The following ACOXL variants were observed in gnomAD, a reference collection of about 807,000 sequenced individuals.
ACOXL encodes acyl-coenzyme A oxidase-like protein.
ACOXL carries 70 observed loss-of-function variants against 71.9 expected under a neutral mutation model. The ratio of observed to expected loss-of-function variants is 0.97; its 90% CI spans 0.80 to 1.19. The LOEUF is 1.19. ACOXL is among the 50% of genes most tolerant of loss of function. The pLI, the probability that ACOXL is intolerant of heterozygous loss-of-function variation, is 0.00. For synonymous variants in ACOXL, 253 were observed against 281.6 expected (o/e 0.90, Z 1.02); for missense variants, 703 against 736.3 (o/e 0.95, Z 0.52).
At chr2:110,907,265 GCCA>G (rs1558708097) in intron 10 of ACOXL, among the ~76,000 whole-genome samples, 1 of 152,004 alleles carries the variant, frequency 6.6e-6, no homozygotes, top group African/African-American at 2.4e-5. Flanking sequence ...TTTTTATAAG[GCCA>G]CCAATTCTAT....
chr2:111,060,155 T>A (rs1348191095), intron 16 of ACOXL, among the ~76,000 whole-genome samples: 3 of 152,142 alleles, frequency 2.0e-5, no homozygotes, highest in Non-Finnish European at 4.4e-5. Flanking sequence ...TTGGCAGTAA[T>A]GAGGCCTCCC....
rs145218053 is a variant in ACOXL at position 110,987,766 on chromosome 2, C to A, written c.1169+549C>A. Among the ~76,000 whole-genome samples, 683 of 152,280 alleles carry A rather than the reference C, an allele frequency of 4.5e-3. 5 individuals are homozygous for A. The highest frequency in any genetic ancestry group is 0.016 in the African/African-American group (652 of 41,552). On this transcript the variant is annotated intron_variant, in intron 13 of 17. Transcript: ENST00000439055. The stretch of plus-strand genomic sequence containing the variant: ...AATTGTTAAGTATAGGTGCAGAACT[C>A]CTCTTCACAATATTCTGTAATATTC...
At chr2:111,075,813 C>T (rs1485014336) in intron 16 of ACOXL, among the ~76,000 whole-genome samples, 1 of 152,012 alleles carries the variant, frequency 6.6e-6, no homozygotes, top group African/African-American at 2.4e-5. Flanking sequence ...CTCCTTGACC[C>T]ATGAATTATA....
At chr2:111,016,552 G>C (rs546530649) in intron 14 of ACOXL, 1 of 152,244 alleles carries the variant, frequency 6.6e-6, no homozygotes, top group Non-Finnish European at 1.5e-5. Flanking sequence ...TAGAAATCTA[G>C]AACAGGCTTC....
At chr2:110,952,488 G>T (rs1271693042) in intron 12 of ACOXL, among the ~76,000 whole-genome samples, 1 of 152,056 alleles carries the variant, frequency 6.6e-6, no homozygotes, top group African/African-American at 2.4e-5. Context: ...CTGAGACAAG[G>T]TTTCACTGTG....
intron 10 of ACOXL, among the ~76,000 whole-genome samples, chr2:110,886,157 C>G (rs1416223556): frequency 6.6e-6 from 1 of 152,098 alleles, no homozygotes; most frequent in Non-Finnish European, 1.5e-5. Flanking sequence ...ACATGTGCTA[C>G]CTGGTAGGAT....
chr2:110,852,003 C>T (rs897425205), intron 10 of ACOXL, among the ~76,000 whole-genome samples: 1 of 152,320 alleles, frequency 6.6e-6, no homozygotes, highest in South Asian at 2.1e-4. Flanking sequence ...AGGAAGCCCC[C>T]AGCATATTTC....
chr2:110,859,456 C>T (rs1048557634), intron 10 of ACOXL, among the ~76,000 whole-genome samples: 4 of 152,182 alleles, frequency 2.6e-5, no homozygotes, highest in African/African-American at 9.7e-5. Context: ...AAAGAAAACA[C>T]AGACAATCTA....
At chr2:110,827,185 C>A (rs371909679) in intron 9 of ACOXL, among the ~76,000 whole-genome samples, 18 of 152,118 alleles carry the variant, frequency 1.2e-4, no homozygotes, top group African/African-American at 3.9e-4. Context: ...CACACAGCCT[C>A]CAAAAGTTTG....
chr2:110,774,039 T>G (rs1682324535), intron 2 of ACOXL, among the ~76,000 whole-genome samples: 2 of 152,164 alleles, frequency 1.3e-5, no homozygotes, highest in African/African-American at 4.8e-5. Flanking sequence ...CATTCTGCAT[T>G]AAAAAACACC....
intron 10 of ACOXL, among the ~76,000 whole-genome samples, chr2:110,879,479 CA>C (rs746749678): frequency 7.9e-5 from 12 of 152,186 alleles, no homozygotes; most frequent in Admixed American, 2.6e-4. Context: ...ATATTACCAA[CA>C]ATCTCTCCCG....
intron 9 of ACOXL, among the ~76,000 whole-genome samples, chr2:110,813,943 C>T (rs1188908545): frequency 1.3e-5 from 2 of 152,204 alleles, no homozygotes; most frequent in Non-Finnish European, 2.9e-5. Flanking sequence ...TTGCCCAGAG[C>T]TTTCTGGGCC....
At chr2:110,741,151 A>G (rs1677480861) in intron 1 of ACOXL, among the ~76,000 whole-genome samples, 1 of 152,174 alleles carries the variant, frequency 6.6e-6, no homozygotes, top group South Asian at 2.1e-4. Context: ...TTCCTCAAGC[A>G]GTGATTTCCA....
chr2:111,049,049 G>A (rs114641991), intron 15 of ACOXL, among the ~76,000 whole-genome samples, 169 bp from the exon 16 acceptor site: 123 of 152,234 alleles, frequency 8.1e-4, no homozygotes, highest in African/African-American at 2.8e-3. Context: ...GTCACTGTAC[G>A]GGGGCCCCTG....
At chr2:110,867,007 C>T (rs1271859666) in intron 10 of ACOXL, among the ~76,000 whole-genome samples, 2 of 152,154 alleles carry the variant, frequency 1.3e-5, no homozygotes, top group African/African-American at 4.8e-5. Context: ...CTGCCTGATG[C>T]ATCAGGGTAG....
At chr2:110,830,640 T>G (rs1490730693) in intron 9 of ACOXL, among the ~76,000 whole-genome samples, 1 of 152,092 alleles carries the variant, frequency 6.6e-6, no homozygotes, top group Admixed American at 6.5e-5. Flanking sequence ...CTCATGCCAT[T>G]CTCCTGCCTC....
intron 9 of ACOXL, among the ~76,000 whole-genome samples, chr2:110,823,193 C>T (rs1688813606): frequency 6.7e-6 from 1 of 150,320 alleles, no homozygotes; most frequent in Non-Finnish European, 1.5e-5. Context: ...GTGGAGGTTG[C>T]AGTGAGCCAA....
intron 15 of ACOXL, 55 bp downstream of exon 15, chr2:111,031,769 C>T: frequency 6.5e-7 from 1 of 1,543,320 alleles, no homozygotes; most frequent in Non-Finnish European, 9.0e-7. Flanking sequence ...GTCTACGGGT[C>T]CCTGGAGACA....
At chr2:110,931,015 A>G (rs563303126) in intron 11 of ACOXL, among the ~76,000 whole-genome samples, 47 of 152,336 alleles carry the variant, frequency 3.1e-4, no homozygotes, top group African/African-American at 9.6e-4. Context: ...AATACCTTGC[A>G]TTTCTTGAGA....
Sources: allele counts gnomAD v4.1 joint callset (sites outside exome capture counted in the v4.1 genomes callset), GRCh38; gene constraint gnomAD v4.1.1; transcripts MANE v1.5; gene names NCBI Gene and HGNC (gene_info 2026-07-23, HGNC 2026-07-21).